Variants in PLD1 observed in about 807,000 individuals in gnomAD.
PLD1 encodes phospholipase D1, also known as choline phosphatase 1.
PLD1 carries 112 observed loss-of-function variants against 137.1 expected under a neutral mutation model. That is an observed-to-expected ratio of 0.82 (90% CI 0.70 to 0.96). PLD1 has a LOEUF of 0.96. Ranked by LOEUF, PLD1 falls within the 40% of genes least tolerant of loss-of-function variation. PLD1 has a pLI of 0.00. For synonymous variants in PLD1, 431 were observed against 454.7 expected (o/e 0.95, Z 0.66); for missense variants, 1,321 against 1,342.0 (o/e 0.98, Z 0.24).
At chr3:171,697,249 T>TTTG (rs1715811418) in intron 12 of PLD1, among the ~76,000 whole-genome samples, 1 of 146,172 alleles carries the variant, frequency 6.8e-6, no homozygotes, top group Non-Finnish European at 1.5e-5. Flanking sequence ...TTTTTTTTTT[T>TTTG]TTTTTTTTTT....
intron 21 of PLD1, among the ~76,000 whole-genome samples, chr3:171,645,944 G>A (rs1736174462): frequency 6.7e-6 from 1 of 149,304 alleles, no homozygotes; most frequent in South Asian, 2.1e-4. Context: ...TAAGTCCCCT[G>A]CACATACAAC....
At chr3:171,611,430 A>G in intron 25 of PLD1, 1 of 351,478 alleles carries the variant, frequency 2.8e-6, no homozygotes, top group Non-Finnish European at 5.7e-6. Context: ...TGTTGAGAAA[A>G]CACAACAGGG....
intron 1 of PLD1, among the ~76,000 whole-genome samples, chr3:171,808,392 C>T (rs1401859986): frequency 1.3e-5 from 2 of 152,018 alleles, no homozygotes; most frequent in Non-Finnish European, 1.5e-5. Context: ...AAAAATCAAC[C>T]GGGCGTGGCA....
At chr3:171,739,111 AG>A (rs1371632808) in intron 1 of PLD1, among the ~76,000 whole-genome samples, 1 of 152,206 alleles carries the variant, frequency 6.6e-6, no homozygotes, top group African/African-American at 2.4e-5. Flanking sequence ...GATATGGGTG[AG>A]GAAAATGAGG....
At chr3:171,722,924 T>C (rs1560251497) in intron 8 of PLD1, among the ~76,000 whole-genome samples, 1 of 152,190 alleles carries the variant, frequency 6.6e-6, no homozygotes. Context: ...GATACTTTGA[T>C]ACAAGCATAT....
intron 1 of PLD1, among the ~76,000 whole-genome samples, chr3:171,742,137 C>G (rs1032895145): frequency 6.6e-6 from 1 of 152,178 alleles, no homozygotes; most frequent in African/African-American, 2.4e-5. Flanking sequence ...GATCTGACCT[C>G]AAAGCCCAGC....
At chr3:171,626,624 G>GCAAAT in intron 23 of PLD1, among the ~76,000 whole-genome samples, 2 of 149,516 alleles carry the variant, frequency 1.3e-5, no homozygotes, top group African/African-American at 5.1e-5. Flanking sequence ...TACCCACAAA[G>GCAAAT]GGAAGCCCAT....
In PLD1 at chr3:171,650,073, C is replaced by T. The variant is rs540682339; in HGVS notation, c.2430-5050G>A. ...TCTGTGACCGGAGAAACGAAGCAGG[C>T]ATTGCTCCCGGGGTGGCACTCTCAC... is the stretch of plus-strand genomic sequence containing the variant. On this transcript the variant is annotated intron_variant, in intron 21 of 26. Transcript: ENST00000351298. Among the ~76,000 whole-genome samples, 42 of 152,308 alleles carry T rather than the reference C, an allele frequency of 2.8e-4. No homozygotes were observed. In the South Asian group the frequency reaches 6.6e-3, roughly 24 times the overall value.
intron 23 of PLD1, among the ~76,000 whole-genome samples, chr3:171,636,125 G>A (rs1193759038): frequency 6.6e-6 from 1 of 151,286 alleles, no homozygotes; most frequent in African/African-American, 2.4e-5. Context: ...TTAGATTCTC[G>A]ACTCTATTCA....
intron 1 of PLD1, among the ~76,000 whole-genome samples, chr3:171,788,250 C>CTT (rs58878929): frequency 0.018 from 1,996 of 110,298 alleles, 103 homozygotes; most frequent in African/African-American, 0.064. Context: ...ATCTGCACTT[C>CTT]TTTTTTTTTT....
chr3:171,621,004 CTGA>C (rs760889785), intron 23 of PLD1, among the ~76,000 whole-genome samples: 131 of 151,914 alleles, frequency 8.6e-4, no homozygotes, highest in Non-Finnish European at 1.5e-3. Context: ...GCCAAACCAC[CTGA>C]TGCTACATCA....
At chr3:171,797,353 T>C (rs1407589090) in intron 1 of PLD1, among the ~76,000 whole-genome samples, 1 of 152,258 alleles carries the variant, frequency 6.6e-6, no homozygotes, top group Non-Finnish European at 1.5e-5. Flanking sequence ...TTTACTGATG[T>C]GTCAGCTAAA....
chr3:171,707,116 TGA>T (rs1314059330), intron 11 of PLD1, among the ~76,000 whole-genome samples: 4 of 152,144 alleles, frequency 2.6e-5, no homozygotes, highest in African/African-American at 7.2e-5. Context: ...AGCTAAATGA[TGA>T]GAACACATGG....
chr3:171,703,328 C>A (rs1358751305), intron 11 of PLD1, among the ~76,000 whole-genome samples: 2 of 152,146 alleles, frequency 1.3e-5, no homozygotes. Flanking sequence ...ACTGGTGATA[C>A]TAGCCAATGC....
intron 11 of PLD1, among the ~76,000 whole-genome samples, chr3:171,701,377 A>C (rs907533976): frequency 1.3e-5 from 2 of 152,246 alleles, no homozygotes; most frequent in East Asian, 3.8e-4. Flanking sequence ...ATTGCTGTGC[A>C]CTGCTAGTTC....
At chr3:171,632,191 A>C (rs572315724) in intron 23 of PLD1, among the ~76,000 whole-genome samples, 158 of 152,280 alleles carry the variant, frequency 1.0e-3, no homozygotes, top group African/African-American at 3.6e-3. Context: ...TAATGGACAT[A>C]CCCAAATTGA....
intron 26 of PLD1, among the ~76,000 whole-genome samples, chr3:171,604,187 AC>A (rs1732025201): frequency 6.6e-6 from 1 of 151,874 alleles, no homozygotes; most frequent in Admixed American, 6.6e-5. Flanking sequence ...GCTGGTGGGC[AC>A]CTGTAGGCCC....
chr3:171,790,391 G>A (rs184698503), intron 1 of PLD1, among the ~76,000 whole-genome samples: 26 of 152,246 alleles, frequency 1.7e-4, no homozygotes, highest in Admixed American at 5.2e-4. Flanking sequence ...ATGATGTTAC[G>A]GTTATTACTG....
rs760664627 is a variant in PLD1 at position 171,612,319 on chromosome 3, C to T, written c.2842G>A (p.Ala948Thr). ...PSVMDGKEYQ[A>T]GRFARGLRLQ... is the part of the protein sequence containing the mutation. Reference sequence around the variant, plus strand: ...CGAAGTCCTCGGGCAAACCGGCCAGCTTGGTACTCTTTTCCATCCATTACT... The same window carrying T: ...CGAAGTCCTCGGGCAAACCGGCCAGTTTGGTACTCTTTTCCATCCATTACT... Residue 948 changes from alanine (A) to threonine (T), a missense_variant, in exon 25 of 27, where the codon GCT (alanine) becomes ACT (threonine). Transcript: ENST00000351298. The surrounding 1 kb of genome is among the most constrained non-coding windows in gnomAD (Gnocchi z 4.1). 7.4e-6 allele frequency: 12 copies of T among 1,614,154 alleles called. No homozygotes were observed. Among genetic ancestry groups the T allele is most frequent in the Non-Finnish European group, 1.0e-5 (12 of 1,180,024 alleles).
Sources: gnomAD v4.1 joint callset for allele counts (sites outside exome capture counted in the v4.1 genomes callset) on GRCh38, gnomAD v4.1.1 for gene constraint, Gnocchi (gnomAD v3.1) non-coding constraint, MANE v1.5 for transcripts, NCBI Gene and HGNC (gene_info 2026-07-23, HGNC 2026-07-21) for gene names.